UGT1A7: variants seen among roughly 807,000 people sequenced by gnomAD.
The protein encoded by UGT1A7 is UDP-glucuronosyltransferase 1A7.
UGT1A7 carries 33 observed loss-of-function variants against 45.6 expected under a neutral mutation model. The observed-to-expected ratio is 0.72, with a 90% CI of 0.55 to 0.97. The LOEUF (loss-of-function observed/expected upper bound fraction) is 0.97, where lower values mean the gene tolerates loss of function less well. UGT1A7 is among the 50% of genes least tolerant of loss of function. The probability of loss-of-function intolerance (pLI) is 0.00; values close to 1 mark genes in which losing one functional copy is unlikely to be tolerated. For synonymous variants in UGT1A7, 274 were observed against 250.6 expected (o/e 1.09, Z -0.88); for missense variants, 684 against 666.2 (o/e 1.03, Z -0.29).
At chr2:233,702,617 T>C (rs1345703688) in intron 1 of UGT1A7, among the ~76,000 whole-genome samples, 1 of 152,142 alleles carries the variant, frequency 6.6e-6, no homozygotes, top group African/African-American at 2.4e-5. Flanking sequence ...CCCCCCACAT[T>C]ATGAGATTGA....
rs541532523 is a variant in UGT1A7, at chr2:233,772,760, G to A, written c.*201G>A. The A allele has an allele frequency of 2.4e-5, 33 of 1,393,894 alleles. No homozygotes were observed. The South Asian group carries it at 2.9e-4, about 12-fold the overall frequency. The allele number at this position is 1,393,894 out of a possible 1,614,324, so 86.3% of individuals were successfully genotyped here. A position where few individuals can be genotyped will look rare whatever the true frequency, so the allele number is the denominator to read the frequency against. On this transcript the variant is annotated 3_prime_UTR_variant, in exon 5 of 5. Transcript: ENST00000373426. ...CAGTAAAGATATTTGAATATGTATC[G>A]TGCCCCCTCTGGTGTCTTTGATCAG...
chr2:233,733,661 T>C (rs1200789776), intron 1 of UGT1A7, among the ~76,000 whole-genome samples: 1 of 152,240 alleles, frequency 6.6e-6, no homozygotes, highest in African/African-American at 2.4e-5. Context: ...GAAGCCGACT[T>C]GATCGATGTG....
intron 1 of UGT1A7, among the ~76,000 whole-genome samples, chr2:233,723,516 CT>C (rs1162916866): frequency 0.039 from 3,290 of 85,380 alleles, 164 homozygotes; most frequent in African/African-American, 0.1. Flanking sequence ...GGTCAACAAT[CT>C]TTTTTTTTTT....
chr2:233,700,879 C>T (rs1034154232), intron 1 of UGT1A7, among the ~76,000 whole-genome samples: 7 of 152,198 alleles, frequency 4.6e-5, no homozygotes, highest in South Asian at 2.1e-4. Context: ...CTCCTCCCCC[C>T]ACCCCACAAC....
chr2:233,772,147 T>C, intron 4 of UGT1A7, 115 bp from the exon 5 acceptor site: 1 of 1,552,928 alleles, frequency 6.4e-7, no homozygotes, highest in East Asian at 2.4e-5. Flanking sequence ...TAGAAACAGG[T>C]TTCCTTTCCC....
In UGT1A7 at chr2:233,682,337, G is replaced by A. The variant is rs753738317; in HGVS notation, c.400G>A (p.Val134Ile). Reference sequence around the variant, plus strand: ...GAGTTTGTTTAATGACCGAAAATTAGTAGAATACTTAAAGGAGAGTTGTTT... The same window carrying A: ...GAGTTTGTTTAATGACCGAAAATTAATAGAATACTTAAAGGAGAGTTGTTT... ...CRSLFNDRKLVEYLKESCFDA... is the reference protein window; with the variant it reads ...CRSLFNDRKLIEYLKESCFDA... The change falls in exon 1 of 5, where the codon GTA (valine) becomes ATA (isoleucine). Residue 134 changes from valine to isoleucine, a missense_variant. Transcript: ENST00000373426. The A allele has an allele frequency of 6.8e-6, 11 of 1,613,990 alleles. No individual in the cohort carries two copies. Among genetic ancestry groups the A allele is most frequent in the Middle Eastern group, 1.6e-4 (1 of 6,084 alleles).
In UGT1A7 at chr2:233,769,534, G is replaced by C. The variant is rs752305202; in HGVS notation, c.1295+1095G>C. ...CTCCCATGGTTACCTCCTTTAGAAA[G>C]AAGCAGCAGTCAGGAAGACAGATGT... is the stretch of plus-strand genomic sequence containing the variant. On this transcript the variant is annotated intron_variant, in intron 4 of 4. Transcript: ENST00000373426. The surrounding 1 kb of genome is among the most constrained non-coding windows in gnomAD (Gnocchi z 4.4). 6.2e-7 allele frequency: 1 copy of C among 1,612,926 alleles called. No individual in the cohort carries two copies. Among genetic ancestry groups the C allele is most frequent in the South Asian group, 1.1e-5 (1 of 91,080 alleles).
At chr2:233,693,254 C>G in intron 1 of UGT1A7, 1 of 1,614,058 alleles carries the variant, frequency 6.2e-7, no homozygotes, top group Non-Finnish European at 8.5e-7. Flanking sequence ...GCCGTATGAC[C>G]AAGAAGAGCT....
At chr2:233,718,690 G>A in intron 1 of UGT1A7, 1 of 1,588,038 alleles carries the variant, frequency 6.3e-7, no homozygotes. Context: ...GTAACTGGAG[G>A]AGGGCACTTT....
In UGT1A7 at chr2:233,767,996, A is replaced by G. The variant is rs555884765; in HGVS notation, c.1075+60A>G. The G allele has an allele frequency of 8.8e-4, 1,425 of 1,614,192 alleles. 2 individuals are homozygous for G. The highest frequency in any genetic ancestry group is 7.6e-4 in the Non-Finnish European group (900 of 1,180,046). ...AGGGTCAAATTAAGAAAATGGCTTA[A>G]GCACAGCTATTCTAAAGGATTGTTG... On this transcript the variant is annotated intron_variant, in intron 3 of 4. Transcript: ENST00000373426.
At chr2:233,722,752 T>C (rs982640918) in intron 1 of UGT1A7, among the ~76,000 whole-genome samples, 1 of 152,282 alleles carries the variant, frequency 6.6e-6, no homozygotes, top group Admixed American at 6.5e-5. Flanking sequence ...TGACTGTCTA[T>C]AAGGCTGTTA....
rs1697406226 is a variant in UGT1A7, at chr2:233,760,332, G to C, written c.856-6702G>C. On this transcript the variant is annotated intron_variant, in intron 1 of 4. Coordinates refer to ENST00000373426, the MANE Select transcript of UGT1A7 (RefSeq NM_019077.3). Reference sequence around the variant, plus strand: ...GCGGACGCCCACTTGTCCTGGGCCTGCTGCTGTGTGTGCTGGGCCCAGTGG... The same window carrying C: ...GCGGACGCCCACTTGTCCTGGGCCTCCTGCTGTGTGTGCTGGGCCCAGTGG... 6.2e-7 allele frequency: 1 copy of C among 1,613,946 alleles called. No homozygotes were observed. Among genetic ancestry groups the C allele is most frequent in the African/African-American group, 1.3e-5 (1 of 74,948 alleles).
At chr2:233,712,231 G>A (rs2076220383) in intron 1 of UGT1A7, among the ~76,000 whole-genome samples, 1 of 152,202 alleles carries the variant, frequency 6.6e-6, no homozygotes, top group African/African-American at 2.4e-5. Context: ...AACCCACCAT[G>A]GGTCTTTGCT....
At position 233,754,261 on chromosome 2, in the gene UGT1A7, G is replaced by T. The variant is rs28900390; in HGVS notation, c.856-12773G>T. 8.6e-3 allele frequency: 1,501 copies of T among 174,210 alleles called. 34 individuals carry two copies. The highest frequency in any genetic ancestry group is 0.033 in the African/African-American group (1,401 of 41,884). The allele number at this position is 174,210 out of a possible 1,614,324, so 10.8% of individuals were successfully genotyped here. A position where few individuals can be genotyped will look rare whatever the true frequency, so the allele number is the denominator to read the frequency against. The stretch of plus-strand genomic sequence containing the variant: ...ACACTTTCCCAACGGAAAAAGGTAA[G>T]GCTCAAAGTGCTGAGATGAACATTC... On this transcript the variant is annotated intron_variant, in intron 1 of 4. Coordinates refer to ENST00000373426, the MANE Select transcript of UGT1A7 (RefSeq NM_019077.3).
chr2:233,725,322 G>T (rs1180235241), intron 1 of UGT1A7, among the ~76,000 whole-genome samples: 1 of 103,758 alleles, frequency 9.6e-6, no homozygotes, highest in Admixed American at 1.0e-4. Context: ...AGAGGCGCCT[G>T]GTCAACAATC....
At position 233,744,394 on chromosome 2, in the gene UGT1A7, G is replaced by A. The variant is rs528448877; in HGVS notation, c.856-22640G>A. On this transcript the variant is annotated intron_variant, in intron 1 of 4. Coordinates refer to ENST00000373426, the MANE Select transcript of UGT1A7 (RefSeq NM_019077.3). ...TGCAGTTCTCCAACGTTCCAGCCCC[G>A]GTGCCCATTTGCTTTTGTTCATGTG... is the stretch of plus-strand genomic sequence containing the variant. 5.9e-5 allele frequency among the ~76,000 whole-genome samples: 9 copies of A among 151,928 alleles called. No homozygotes were observed. The South Asian group carries it at 6.2e-4, about 11-fold the overall frequency.
At chr2:233,772,226 G>C (rs1559419626) in intron 4 of UGT1A7, 36 bp from the exon 5 acceptor site, 2 of 1,613,458 alleles carry the variant, frequency 1.2e-6, no homozygotes, top group Non-Finnish European at 1.7e-6. Context: ...CATACCACAG[G>C]TGTTCCAGGC....
chr2:233,687,881 C>A (rs934476271), intron 1 of UGT1A7, among the ~76,000 whole-genome samples: 2 of 152,110 alleles, frequency 1.3e-5, no homozygotes, highest in African/African-American at 2.4e-5. Context: ...CCACTCCAGC[C>A]TGGGTGATAG....
intron 1 of UGT1A7, among the ~76,000 whole-genome samples, chr2:233,764,077 A>T (rs1698472611): frequency 6.6e-6 from 1 of 152,230 alleles, no homozygotes; most frequent in Non-Finnish European, 1.5e-5. Flanking sequence ...GGGAAAATCT[A>T]ATTAAAAGCC....
Sources: allele counts gnomAD v4.1 joint callset (sites outside exome capture counted in the v4.1 genomes callset), GRCh38; gene constraint gnomAD v4.1.1; non-coding constraint Gnocchi (gnomAD v3.1); transcripts MANE v1.5; gene names NCBI Gene and HGNC (gene_info 2026-07-23, HGNC 2026-07-21).